The following SNX29 variants were observed in gnomAD, a reference collection of about 807,000 sequenced individuals.
The protein encoded by SNX29 is sorting nexin 29, also known as sorting nexin-29.
A neutral mutation model predicts 102.1 loss-of-function variants in SNX29; 78 were observed. That is an observed-to-expected ratio of 0.76 (90% CI 0.64 to 0.92). The LOEUF (loss-of-function observed/expected upper bound fraction) is 0.92. Ranked by LOEUF, SNX29 falls within the 40% of genes least tolerant of loss-of-function variation. The pLI, the probability that SNX29 is intolerant of heterozygous loss-of-function variation, is 0.00. For missense variants in SNX29, 1,280 were observed against 1,061.7 expected (o/e 1.21, Z -2.86); for synonymous variants, 580 against 414.5 (o/e 1.40, Z -4.85).
intron 20 of SNX29, among the ~76,000 whole-genome samples, chr16:12,525,463 G>A (rs7196897): frequency 0.24 from 37,224 of 151,940 alleles, 4,986 homozygotes; most frequent in East Asian, 0.58. Context: ...ACCTGAGGTC[G>A]GGAGTTCGAG....
chr16:12,129,509 T>C, intron 12 of SNX29, 121 bp from the exon 13 acceptor site: 1 of 1,289,808 alleles, frequency 7.8e-7, no homozygotes. Context: ...TGAATTATGG[T>C]TTATGCAGAG....
intron 18 of SNX29, among the ~76,000 whole-genome samples, chr16:12,440,110 G>T (rs986432933): frequency 2.6e-5 from 4 of 152,270 alleles, no homozygotes; most frequent in Admixed American, 6.5e-5. Context: ...AGCTGTGCTC[G>T]CAAAGGGCAT....
intron 19 of SNX29, among the ~76,000 whole-genome samples, chr16:12,523,613 G>T (rs2090182802): frequency 6.6e-6 from 1 of 152,200 alleles, no homozygotes; most frequent in South Asian, 2.1e-4. Context: ...AGAATGGTGG[G>T]CAGTAGCTCA....
At chr16:12,389,353 C>T (rs558669795) in intron 16 of SNX29, among the ~76,000 whole-genome samples, 72 of 152,264 alleles carry the variant, frequency 4.7e-4, no homozygotes, top group South Asian at 2.5e-3. Flanking sequence ...GGGAAATAAT[C>T]GAATCACGGG....
intron 20 of SNX29, among the ~76,000 whole-genome samples, chr16:12,531,293 G>T (rs2076925841): frequency 6.6e-6 from 1 of 152,224 alleles, no homozygotes; most frequent in African/African-American, 2.4e-5. Flanking sequence ...GGAAGTCTTG[G>T]TCTCTGGGGG....
intron 3 of SNX29, among the ~76,000 whole-genome samples, chr16:12,014,499 G>T (rs765529412): frequency 1.3e-5 from 2 of 151,946 alleles, no homozygotes; most frequent in African/African-American, 4.8e-5. Context: ...TTGGAAGGCC[G>T]AGGAGCACAG....
At chr16:12,292,827 G>T (rs2079845089) in intron 15 of SNX29, among the ~76,000 whole-genome samples, 1 of 152,226 alleles carries the variant, frequency 6.6e-6, no homozygotes, top group Admixed American at 6.5e-5. Flanking sequence ...CTGTGAGGCT[G>T]ATACAAGGCA....
In SNX29 at chr16:12,411,233, G is replaced by C. The variant is rs147838357; in HGVS notation, c.2037+7704G>C. Among the ~76,000 whole-genome samples the C allele has an allele frequency of 3.7e-3, 562 of 152,302 alleles. 3 individuals carry two copies. Among genetic ancestry groups the C allele is most frequent in the Non-Finnish European group, 5.5e-3 (376 of 68,028 alleles). ...TGTATACCAGGTAGACAGGAGAGCC[G>C]GCCGTGGACTGAGGCAGCCGTTTGC... On this transcript the variant is annotated intron_variant, in intron 18 of 20. Transcript: ENST00000566228.
Position 12,569,009 on chromosome 16 carries a change from C to G in SNX29, c.*380C>G. 3.8e-6 allele frequency: 1 copy of G among 264,400 alleles called. No homozygotes were observed. Among genetic ancestry groups the G allele is most frequent in the Non-Finnish European group, 7.2e-6 (1 of 139,524 alleles). 16.4% of individuals were successfully genotyped at this position (264,400 alleles called of 1,614,324 possible). On this transcript the variant is annotated 3_prime_UTR_variant, in exon 21 of 21. Coordinates refer to ENST00000566228, the MANE Select transcript of SNX29 (RefSeq NM_032167.5). ...AGGTGATCCCCTATATAGGAAGGTT[C>G]ATGCAGAGCCAGCCTCTCCACTCTT...
At chr16:12,139,426 G>A (rs1020187305) in intron 13 of SNX29, among the ~76,000 whole-genome samples, 5 of 152,176 alleles carry the variant, frequency 3.3e-5, no homozygotes, top group Non-Finnish European at 5.9e-5. Flanking sequence ...CTAGCACAGT[G>A]CCTGGCATTG....
intron 11 of SNX29, among the ~76,000 whole-genome samples, chr16:12,125,644 G>C (rs2054181553): frequency 1.4e-5 from 1 of 71,604 alleles, no homozygotes; most frequent in Non-Finnish European, 2.7e-5. Context: ...TTTTTTTTGA[G>C]ATGAGGTCTC....
chr16:12,010,751 ATTT>A (rs34541174), intron 3 of SNX29, among the ~76,000 whole-genome samples: 1 of 148,660 alleles, frequency 6.7e-6, no homozygotes, highest in Non-Finnish European at 1.5e-5. Context: ...TGTTTTGGTG[ATTT>A]TTTTTTTTTT....
At chr16:12,214,755 A>T (rs1038525266) in intron 14 of SNX29, among the ~76,000 whole-genome samples, 2 of 152,064 alleles carry the variant, frequency 1.3e-5, no homozygotes, top group African/African-American at 2.4e-5. Flanking sequence ...AGTCTCCCTG[A>T]TGCCTGGCAC....
intron 13 of SNX29, among the ~76,000 whole-genome samples, chr16:12,193,579 CAGGTT>C (rs1478677161): frequency 3.9e-5 from 6 of 152,090 alleles, no homozygotes; most frequent in African/African-American, 1.4e-4. Context: ...TTGTCTAACT[CAGGTT>C]AGGTATGATT....
rs1183960511 is a variant in SNX29 at position 12,569,700 on chromosome 16, A to C, written c.*1071A>C. 4.3e-6 allele frequency: 1 copy of C among 230,326 alleles called. No homozygotes were observed. The highest frequency in any genetic ancestry group is 2.2e-5 in the African/African-American group (1 of 45,150). 14.3% of individuals were successfully genotyped at this position (230,326 alleles called of 1,614,324 possible). ...AGAGTACAGGGACCTTGGCAGGTGG[A>C]GAGGAGGATGGGGACCAGCAGCTGG... On this transcript the variant is annotated 3_prime_UTR_variant, in exon 21 of 21. Transcript: ENST00000566228.
At chr16:12,118,149 G>A (rs535797496) in intron 11 of SNX29, among the ~76,000 whole-genome samples, 7 of 151,860 alleles carry the variant, frequency 4.6e-5, no homozygotes, top group Admixed American at 6.6e-5. Context: ...CTCCCCACCC[G>A]CTTCTCACTA....
At chr16:12,294,384 G>C (rs2079908109) in intron 15 of SNX29, among the ~76,000 whole-genome samples, 1 of 152,296 alleles carries the variant, frequency 6.6e-6, no homozygotes, top group Non-Finnish European at 1.5e-5. Flanking sequence ...GTCATGTACA[G>C]GGTCACTGGA....
chr16:12,036,333 TC>T (rs60570467), intron 4 of SNX29, among the ~76,000 whole-genome samples: 35,942 of 121,086 alleles, frequency 0.3, 5,491 homozygotes, highest in Non-Finnish European at 0.37. Flanking sequence ...TTTCTTTCTT[TC>T]TTTTTTTTTT....
At chr16:12,042,166 G>T (rs1056075335) in intron 4 of SNX29, among the ~76,000 whole-genome samples, 5 of 152,112 alleles carry the variant, frequency 3.3e-5, no homozygotes, top group African/African-American at 1.2e-4. Flanking sequence ...CGGTAGGTGG[G>T]ATTACAGGTG....
Sources: gnomAD v4.1 joint callset for allele counts (sites outside exome capture counted in the v4.1 genomes callset) on GRCh38, gnomAD v4.1.1 for gene constraint, MANE v1.5 for transcripts, NCBI Gene and HGNC (gene_info 2026-07-23, HGNC 2026-07-21) for gene names.